Variants in SOX6 observed in about 807,000 individuals in gnomAD.
SOX6 encodes the protein SRY-box transcription factor 6.
Under a neutral mutation model 97.8 loss-of-function variants are expected in SOX6, and 11 were observed. The ratio of observed to expected loss-of-function variants is 0.11; its 90% CI spans 0.07 to 0.19. SOX6 has a LOEUF of 0.19. SOX6 is among the 10% of genes least tolerant of loss of function. The pLI is 1.00. For missense variants in SOX6, 810 were observed against 1,039.5 expected, an observed-to-expected ratio of 0.78 and a Z score of 3.04; for synonymous variants, 360 against 371.4, an observed-to-expected ratio of 0.97 and a Z score of 0.35.
chr11:16,005,873 G>GTAT, intron 13 of SOX6, among the ~76,000 whole-genome samples: 1 of 151,996 alleles, frequency 6.6e-6, no homozygotes, highest in Middle Eastern at 3.4e-3. Context: ...AGCAAATGAC[G>GTAT]ATGCATTCTT....
chr11:16,238,249 G>C (rs1475305912), intron 3 of SOX6, among the ~76,000 whole-genome samples: 6 of 151,918 alleles, frequency 3.9e-5, no homozygotes, highest in Non-Finnish European at 7.4e-5. Context: ...CAGTTGCATT[G>C]TTTCTGGTTT....
intron 3 of SOX6, among the ~76,000 whole-genome samples, chr11:16,309,161 T>C (rs1200305183): frequency 6.6e-6 from 1 of 152,230 alleles, no homozygotes; most frequent in Non-Finnish European, 1.5e-5. Context: ...ATTCCACTCC[T>C]GGGGAAATGC....
At chr11:16,242,180 A>G (rs1853215317) in intron 3 of SOX6, among the ~76,000 whole-genome samples, 2 of 152,162 alleles carry the variant, frequency 1.3e-5, no homozygotes, top group African/African-American at 2.4e-5. Context: ...TCCACATACA[A>G]TGGTAGTCTT....
intron 3 of SOX6, among the ~76,000 whole-genome samples, chr11:16,279,800 A>T (rs1287897199): frequency 2.0e-5 from 3 of 152,128 alleles, no homozygotes; most frequent in Admixed American, 2.0e-4. Flanking sequence ...TTCTTAATTC[A>T]TGAAAACAAA....
rs115884336 is a variant in SOX6, at chr11:16,196,719, T to G, written c.536-9764A>C. Among the ~76,000 whole-genome samples, 362 of 152,240 alleles carry G rather than the reference T, an allele frequency of 2.4e-3. 1 individual carries two copies. Among genetic ancestry groups the G allele is most frequent in the African/African-American group, 7.8e-3 (323 of 41,552 alleles). On this transcript the variant is annotated intron_variant, in intron 4 of 15. Transcript: ENST00000683767. ...TTCACTGGTGCTCAGACTTCTACCT[T>G]GATTCCTAATTTTCATTCCACTGGA...
chr11:16,136,342 T>TC (rs1356774066), intron 6 of SOX6, among the ~76,000 whole-genome samples: 1 of 110,926 alleles, frequency 9.0e-6, no homozygotes, highest in Non-Finnish European at 1.9e-5. Context: ...TGTGTGTGTG[T>TC]GGTTTTTTTT....
chr11:16,493,844 A>G (rs1860551556), intron 4 of SOX6, among the ~76,000 whole-genome samples: 1 of 152,208 alleles, frequency 6.6e-6, no homozygotes, highest in Non-Finnish European at 1.5e-5. Flanking sequence ...TACGAAAGGC[A>G]ATTTGATAAT....
chr11:16,005,772 C>G (rs1036500950), intron 13 of SOX6, among the ~76,000 whole-genome samples: 9 of 151,948 alleles, frequency 5.9e-5, no homozygotes, highest in African/African-American at 2.2e-4. Context: ...TTATGAAATG[C>G]TTTTTTCCAG....
At chr11:16,475,424 A>T (rs570582191) in intron 1 of SOX6, among the ~76,000 whole-genome samples, 1 of 152,278 alleles carries the variant, frequency 6.6e-6, no homozygotes, top group African/African-American at 2.4e-5. Flanking sequence ...TCATTTGAAC[A>T]CTTAGAAGTC....
chr11:16,598,575 A>T (rs1405027033), intron 4 of SOX6, among the ~76,000 whole-genome samples: 1 of 151,760 alleles, frequency 6.6e-6, no homozygotes, highest in Non-Finnish European at 1.5e-5. Context: ...GTAAGTCTTT[A>T]TGTTATTCAA....
intron 1 of SOX6, among the ~76,000 whole-genome samples, chr11:16,354,753 A>G (rs1857032353): frequency 2.0e-5 from 3 of 152,070 alleles, no homozygotes; most frequent in African/African-American, 7.2e-5. Flanking sequence ...TAAAATTGCT[A>G]CCAGAGCTTA....
At chr11:16,600,437 A>G (rs1488911419) in intron 4 of SOX6, among the ~76,000 whole-genome samples, 2 of 152,230 alleles carry the variant, frequency 1.3e-5, no homozygotes, top group Non-Finnish European at 2.9e-5. Flanking sequence ...TTAGGAACTG[A>G]ATCGATACTG....
chr11:15,989,260 G>T, intron 13 of SOX6, 30 bp from the exon 14 acceptor site: 1 of 1,550,456 alleles, frequency 6.4e-7, no homozygotes, highest in South Asian at 1.2e-5. Context: ...AGAACAAGAT[G>T]AGTGGAAAGC....
At chr11:16,524,448 C>T (rs1436990130) in intron 4 of SOX6, among the ~76,000 whole-genome samples, 1 of 152,122 alleles carries the variant, frequency 6.6e-6, no homozygotes, top group Non-Finnish European at 1.5e-5. Context: ...CTAATAAAAA[C>T]TCTCAATAAA....
At chr11:16,359,471 A>G (rs1857150342), upstream of SOX6, among the ~76,000 whole-genome samples, 1 of 152,140 alleles carries the variant, frequency 6.6e-6, no homozygotes, top group African/African-American at 2.4e-5. Flanking sequence ...CCTTATGAAA[A>G]AAAAATCTCC....
At chr11:16,560,456 CATAT>C (rs1300962512) in intron 4 of SOX6, among the ~76,000 whole-genome samples, 1 of 145,762 alleles carries the variant, frequency 6.9e-6, no homozygotes, top group East Asian at 2.0e-4. Flanking sequence ...TTTATACGTA[CATAT>C]ATGTTTATAC....
chr11:16,141,688 G>A (rs771196990), intron 6 of SOX6, among the ~76,000 whole-genome samples: 22 of 152,140 alleles, frequency 1.4e-4, no homozygotes, highest in Admixed American at 4.6e-4. Flanking sequence ...CTTAGCAAAC[G>A]GCACACCAGG....
At chr11:16,507,464 T>C (rs1860810123) in intron 4 of SOX6, among the ~76,000 whole-genome samples, 1 of 151,852 alleles carries the variant, frequency 6.6e-6, no homozygotes, top group South Asian at 2.1e-4. Flanking sequence ...GCCAAACCAA[T>C]ACTAAGCAAA....
intron 1 of SOX6, among the ~76,000 whole-genome samples, chr11:16,426,129 G>A (rs1386511017): frequency 2.0e-5 from 3 of 150,938 alleles, no homozygotes; most frequent in East Asian, 2.0e-4. Flanking sequence ...GGTGGTGGGC[G>A]CCTGTAATCC....
Sources: gnomAD v4.1 joint callset for allele counts (sites outside exome capture counted in the v4.1 genomes callset) on GRCh38, gnomAD v4.1.1 for gene constraint, MANE v1.5 for transcripts, NCBI Gene and HGNC (gene_info 2026-07-23, HGNC 2026-07-21) for gene names.